PARP11: variants seen among roughly 807,000 people sequenced by gnomAD.
PARP11 encodes protein mono-ADP-ribosyltransferase PARP11.
A neutral mutation model predicts 42.9 loss-of-function variants in PARP11; 31 were observed. The observed-to-expected ratio is 0.72, with a 90% CI of 0.54 to 0.98. PARP11 has a LOEUF of 0.98. PARP11 is among the 50% of genes least tolerant of loss of function. The pLI is 0.00. For missense variants in PARP11, 365 were observed against 413.1 expected, an observed-to-expected ratio of 0.88 and a Z score of 1.01; for synonymous variants, 137 against 127.3, an observed-to-expected ratio of 1.08 and a Z score of -0.51.
intron 1 of PARP11, among the ~76,000 whole-genome samples, chr12:3,859,820 T>C (rs1315146724): frequency 3.9e-5 from 6 of 152,070 alleles, no homozygotes; most frequent in Non-Finnish European, 5.9e-5. Context: ...CCAGGCAAAA[T>C]AGACTTCAAA....
chr12:3,863,095 A>G (rs1948327112), intron 1 of PARP11, among the ~76,000 whole-genome samples: 1 of 152,200 alleles, frequency 6.6e-6, no homozygotes, highest in African/African-American at 2.4e-5. Flanking sequence ...CTTTTATGCT[A>G]CTTTCAGGCT....
chr12:3,854,645 T>C (rs186537226), intron 1 of PARP11, among the ~76,000 whole-genome samples: 40 of 152,228 alleles, frequency 2.6e-4, no homozygotes, highest in Non-Finnish European at 1.3e-4. Flanking sequence ...CAATAATTAA[T>C]AGCCTACCAA....
At chr12:3,865,377 G>C (rs1025162501) in intron 1 of PARP11, among the ~76,000 whole-genome samples, 5 of 152,160 alleles carry the variant, frequency 3.3e-5, no homozygotes, top group Non-Finnish European at 7.4e-5. Flanking sequence ...GATCAAGTTA[G>C]TTGACAGTGG....
intron 1 of PARP11, among the ~76,000 whole-genome samples, chr12:3,871,408 T>C (rs1405021894): frequency 2.0e-5 from 3 of 152,228 alleles, no homozygotes; most frequent in Admixed American, 6.5e-5. Context: ...ACATAAATAC[T>C]TTCCATTGTG....
In PARP11 at chr12:3,840,410, T is replaced by A; in HGVS notation, c.19-10392A>T. ...GGGCCAAAGAATCCAAGCAAGCCAA[T>A]AAAAGCCCCATTAGCACTACCTCCT... On this transcript the variant is annotated intron_variant, in intron 1 of 7. Transcript: ENST00000228820. This position sits in a 1 kb window ranked among gnomAD's most constrained non-coding sequence, Gnocchi z 4.4. 1 of 1,613,396 alleles carries A rather than the reference T, an allele frequency of 6.2e-7. No individual in the cohort carries two copies. The highest frequency in any genetic ancestry group is 8.5e-7 in the Non-Finnish European group (1 of 1,179,378).
intron 7 of PARP11, among the ~76,000 whole-genome samples, chr12:3,813,521 C>T (rs1055619799): frequency 3.9e-5 from 6 of 152,348 alleles, no homozygotes; most frequent in Non-Finnish European, 7.3e-5. Flanking sequence ...ATTTACCTAA[C>T]ACTGATGGGA....
rs1242095146 is a variant in PARP11, at chr12:3,822,122, G to A, written c.380C>T (p.Pro127Leu). 6.2e-7 allele frequency: 1 copy of A among 1,613,888 alleles called. No individual in the cohort carries two copies. The highest frequency in any genetic ancestry group is 2.2e-5 in the East Asian group (1 of 44,866). The change falls in exon 5 of 8, where the codon CCA (proline) becomes CTA (leucine). Residue 127 changes from proline (P) to leucine (L), a missense_variant. By Grantham distance (98) the Pro-to-Leu change is moderately conservative (BLOSUM62 -3). Coordinates refer to ENST00000228820, the MANE Select transcript of PARP11 (RefSeq NM_020367.6). ...ICENEAIPMP[P>L]HWENVNTQVP... is the part of the protein sequence containing the mutation. Reference sequence around the variant, plus strand: ...TTGAGTATTCACATTCTCCCAGTGTGGTGGCATAGGGATGGCCTCGTTTTC... The same window carrying A: ...TTGAGTATTCACATTCTCCCAGTGTAGTGGCATAGGGATGGCCTCGTTTTC...
chr12:3,820,157 T>C (rs1335492015), intron 6 of PARP11, among the ~76,000 whole-genome samples: 1 of 152,226 alleles, frequency 6.6e-6, no homozygotes, highest in Non-Finnish European at 1.5e-5. Context: ...TCTGTACCAT[T>C]ATATCCCAAG....
intron 4 of PARP11, among the ~76,000 whole-genome samples, 166 bp downstream of exon 4, chr12:3,825,992 G>A (rs1478187883): frequency 6.6e-6 from 1 of 152,080 alleles, no homozygotes; most frequent in African/African-American, 2.4e-5. Flanking sequence ...GCCTCCCAAA[G>A]TGCTGGGATT....
intron 7 of PARP11, among the ~76,000 whole-genome samples, chr12:3,813,399 A>G (rs1947222221): frequency 6.6e-6 from 1 of 152,216 alleles, no homozygotes; most frequent in South Asian, 2.1e-4. Flanking sequence ...CTGCCTACAC[A>G]TGAAAACTCG....
chr12:3,825,798 C>T (rs1394899908), intron 4 of PARP11, among the ~76,000 whole-genome samples: 1 of 152,118 alleles, frequency 6.6e-6, no homozygotes, highest in Non-Finnish European at 1.5e-5. Context: ...GCCATCTCGG[C>T]TCACTTCAAG....
At chr12:3,836,913 G>A (rs1947777409) in intron 1 of PARP11, among the ~76,000 whole-genome samples, 1 of 152,108 alleles carries the variant, frequency 6.6e-6, no homozygotes, top group South Asian at 2.1e-4. Context: ...TGGAAAAAGT[G>A]AGATTAAGGT....
intron 1 of PARP11, among the ~76,000 whole-genome samples, chr12:3,834,206 C>T (rs1032294832): frequency 2.6e-5 from 4 of 152,194 alleles, no homozygotes; most frequent in African/African-American, 9.7e-5. Context: ...TCACCTTCAG[C>T]CCCAGGAGCA....
At chr12:3,839,967 AT>A in intron 1 of PARP11, 1 of 1,399,472 alleles carries the variant, frequency 7.1e-7, no homozygotes, top group Non-Finnish European at 1.0e-6. Flanking sequence ...ATGTGAATGG[AT>A]TTAAACCTTT....
intron 1 of PARP11, chr12:3,842,016 G>A: frequency 6.2e-7 from 1 of 1,611,322 alleles, no homozygotes; most frequent in Non-Finnish European, 8.5e-7. Context: ...AGGCAGATAT[G>A]GCATTGGCTT....
intron 1 of PARP11, among the ~76,000 whole-genome samples, chr12:3,831,636 T>C (rs181170174): frequency 1.2e-4 from 19 of 152,270 alleles, no homozygotes; most frequent in African/African-American, 4.6e-4. Context: ...TTTTTATATA[T>C]GTTTGGAAAC....
At chr12:3,831,765 A>AT (rs1555137363) in intron 1 of PARP11, among the ~76,000 whole-genome samples, 1 of 152,144 alleles carries the variant, frequency 6.6e-6, no homozygotes, top group Non-Finnish European at 1.5e-5. Flanking sequence ...AGGACCCACT[A>AT]TTTACCTTAT....
chr12:3,873,057 A>G (rs1006053391), intron 1 of PARP11, among the ~76,000 whole-genome samples, 155 bp downstream of exon 1: 2 of 152,218 alleles, frequency 1.3e-5, no homozygotes, highest in Non-Finnish European at 2.9e-5. Flanking sequence ...TTAAAAAGGT[A>G]CAGACTACAG....
In PARP11 at chr12:3,812,375, C is replaced by T. The variant is rs763019890; in HGVS notation, c.765G>A (p.Gly255=). ...TGACACCATGAATTTGGAATGTGTT[C>T]CCATGCTTTATGTCATCTTTGCAGA... ...SRFCKDDIKH[G]NTFQIHGVSL... The change falls in exon 8 of 8, where the codon GGG becomes GGA. Residue 255 remains glycine (G), a synonymous_variant. Coordinates refer to ENST00000228820, the MANE Select transcript of PARP11 (RefSeq NM_020367.6). 5 of 1,614,098 alleles carry T rather than the reference C, an allele frequency of 3.1e-6. No individual in the cohort carries two copies. The highest frequency in any genetic ancestry group is 4.2e-6 in the Non-Finnish European group (5 of 1,179,982).
Sources: gnomAD v4.1 joint callset for allele counts (sites outside exome capture counted in the v4.1 genomes callset) on GRCh38, gnomAD v4.1.1 for gene constraint, Gnocchi (gnomAD v3.1) non-coding constraint, MANE v1.5 for transcripts, NCBI Gene and HGNC (gene_info 2026-07-23, HGNC 2026-07-21) for gene names.